The following CLVS1 variants were observed in gnomAD, a reference collection of about 807,000 sequenced individuals.
CLVS1 encodes the protein clavesin-1.
CLVS1 carries 10 observed loss-of-function variants against 33.1 expected under a neutral mutation model. The ratio of observed to expected loss-of-function variants is 0.30; its 90% CI spans 0.19 to 0.51. CLVS1 has a LOEUF of 0.51. CLVS1 is among the 20% of genes least tolerant of loss of function. The pLI, the probability that CLVS1 is intolerant of heterozygous loss-of-function variation, is 0.97. For missense variants in CLVS1, 343 were observed against 433.4 expected, an observed-to-expected ratio of 0.79 and a Z score of 1.85; for synonymous variants, 163 against 166.1, an observed-to-expected ratio of 0.98 and a Z score of 0.14.
the CLVS1 span, among the ~76,000 whole-genome samples, chr8:60,980,922 A>G: frequency 6.6e-6 from 1 of 152,184 alleles, no homozygotes; most frequent in Non-Finnish European, 1.5e-5. Flanking sequence ...AGGCAGAGGG[A>G]GAGGACACAC....
At chr8:61,157,736 G>A (rs898613549) in intron 2 of CLVS1, among the ~76,000 whole-genome samples, 12 of 151,296 alleles carry the variant, frequency 7.9e-5, no homozygotes, top group Non-Finnish European at 1.5e-4. Flanking sequence ...AATGGGCAAT[G>A]GACCTAAACA....
chr8:60,997,330 G>A, the CLVS1 span, among the ~76,000 whole-genome samples: 3 of 152,184 alleles, frequency 2.0e-5, no homozygotes, highest in Non-Finnish European at 4.4e-5. Flanking sequence ...GTCGCAATTA[G>A]CATCTAGAAA....
At chr8:61,110,998 A>G (rs752907448) in intron 1 of CLVS1, among the ~76,000 whole-genome samples, 21 of 152,176 alleles carry the variant, frequency 1.4e-4, no homozygotes, top group Non-Finnish European at 2.6e-4. Context: ...TGCTATGAAT[A>G]TGGTATGCAA....
Position 61,195,654 on chromosome 8 carries a change from A to G in CLVS1, c.-152+63794A>G, listed in dbSNP as rs149875123. On this transcript the variant is annotated intron_variant, in intron 2 of 2. Coordinates refer to the CLVS1 transcript ENST00000522621. ...AGATTCATGCAATATGAGCTCCTGA[A>G]AGTTTGGAAGTATCAGATGAAAATA... Among the ~76,000 whole-genome samples the G allele has an allele frequency of 4.9e-3, 744 of 152,214 alleles. 5 individuals are homozygous for G. The highest frequency in any genetic ancestry group is 6.4e-3 in the Non-Finnish European group (433 of 67,948).
chr8:61,078,161 C>T (rs999941000), intron 1 of CLVS1, among the ~76,000 whole-genome samples: 2 of 152,208 alleles, frequency 1.3e-5, no homozygotes, highest in Non-Finnish European at 2.9e-5. Flanking sequence ...CATGAGGCAG[C>T]TGATAAAAGA....
At chr8:61,422,985 G>A (rs1189352098) in intron 3 of CLVS1, among the ~76,000 whole-genome samples, 17 of 152,188 alleles carry the variant, frequency 1.1e-4, no homozygotes, top group Admixed American at 1.0e-3. Context: ...TGAGTGACCA[G>A]GAGGGAGTCT....
chr8:61,283,803 T>C (rs946318340), upstream of CLVS1, among the ~76,000 whole-genome samples: 82 of 152,170 alleles, frequency 5.4e-4, no homozygotes, highest in African/African-American at 1.9e-3. Flanking sequence ...AAGTGCTGAA[T>C]TAAAAAATAA....
At chr8:61,054,140 C>T (rs16926770), upstream of CLVS1, among the ~76,000 whole-genome samples, 5,163 of 152,264 alleles carry the variant, frequency 0.034, 301 homozygotes, top group African/African-American at 0.12. Flanking sequence ...TACATGAAAC[C>T]TTACGGAGCA....
intron 2 of CLVS1, among the ~76,000 whole-genome samples, chr8:61,156,543 T>C (rs1180016712): frequency 6.6e-6 from 1 of 152,234 alleles, no homozygotes; most frequent in Non-Finnish European, 1.5e-5. Flanking sequence ...ATACAATTTA[T>C]AGAGGATGTG....
At chr8:61,213,167 T>C (rs66588471) in intron 2 of CLVS1, among the ~76,000 whole-genome samples, 56,489 of 150,048 alleles carry the variant, frequency 0.38, 11,765 homozygotes, top group African/African-American at 0.55. Flanking sequence ...TGTCACCCCT[T>C]GGGGATATTC....
chr8:61,031,803 C>A, the CLVS1 span, among the ~76,000 whole-genome samples: 1 of 151,498 alleles, frequency 6.6e-6, no homozygotes, highest in Non-Finnish European at 1.5e-5. Flanking sequence ...GTTTCAGGAG[C>A]AGCAAAATAT....
chr8:61,346,832 G>A (rs1371300346), intron 2 of CLVS1, among the ~76,000 whole-genome samples: 1 of 152,186 alleles, frequency 6.6e-6, no homozygotes, highest in African/African-American at 2.4e-5. Flanking sequence ...TGTTCAGAGA[G>A]AACAGGGTGC....
the CLVS1 span, among the ~76,000 whole-genome samples, chr8:61,033,609 T>G: frequency 6.6e-6 from 1 of 152,084 alleles, no homozygotes; most frequent in Non-Finnish European, 1.5e-5. Context: ...CTTGTGCCAC[T>G]CCCGGGGAAT....
chr8:61,099,958 C>A (rs1352616972), intron 1 of CLVS1, among the ~76,000 whole-genome samples: 1 of 151,992 alleles, frequency 6.6e-6, no homozygotes, highest in African/African-American at 2.4e-5. Context: ...CAATAGAAAT[C>A]CAAAGAAAAG....
chr8:61,457,223 C>T (rs930371529), intron 4 of CLVS1, among the ~76,000 whole-genome samples: 3 of 152,126 alleles, frequency 2.0e-5, no homozygotes, highest in Non-Finnish European at 4.4e-5. Flanking sequence ...AGGCACAAGC[C>T]ACTGCACGTG....
intron 5 of CLVS1, among the ~76,000 whole-genome samples, chr8:61,462,942 A>G (rs1287512423): frequency 6.6e-6 from 1 of 152,204 alleles, no homozygotes; most frequent in Admixed American, 6.5e-5. Flanking sequence ...CTCTCTAGTT[A>G]TGAAAGTCCT....
chr8:61,067,741 A>G (rs1325423954), intron 1 of CLVS1, among the ~76,000 whole-genome samples: 1 of 151,954 alleles, frequency 6.6e-6, no homozygotes, highest in Non-Finnish European at 1.5e-5. Flanking sequence ...CAAATACTAC[A>G]TGTTCTCCCT....
chr8:61,111,302 G>A (rs1274099716), intron 1 of CLVS1, among the ~76,000 whole-genome samples: 9 of 152,130 alleles, frequency 5.9e-5, no homozygotes, highest in African/African-American at 1.9e-4. Context: ...TTAAATGACA[G>A]TTGATTGCAA....
chr8:61,175,728 TG>T (rs1807101196), intron 2 of CLVS1, among the ~76,000 whole-genome samples: 1 of 152,034 alleles, frequency 6.6e-6, no homozygotes, highest in African/African-American at 2.4e-5. Flanking sequence ...CTAGGAGAAG[TG>T]AGAAAGTATG....
Sources: gnomAD v4.1 joint callset for allele counts (sites outside exome capture counted in the v4.1 genomes callset) on GRCh38, gnomAD v4.1.1 for gene constraint, MANE v1.5 for transcripts, NCBI Gene and HGNC (gene_info 2026-07-23, HGNC 2026-07-21) for gene names.